Variants in DACH2 observed in about 807,000 individuals in gnomAD.
The protein encoded by DACH2 is dachshund family transcription factor 2, also known as dachshund homolog 2.
In DACH2, 17 loss-of-function variants were observed where a neutral mutation model predicts 35.8. That is an observed-to-expected ratio of 0.48 (90% CI 0.33 to 0.71). The LOEUF is 0.71. DACH2 is among the 30% of genes least tolerant of loss of function. DACH2 has a pLI of 0.02. For synonymous variants in DACH2, 195 were observed against 177.3 expected, an observed-to-expected ratio of 1.10 and a Z score of -0.79; for missense variants, 469 against 472.7, an observed-to-expected ratio of 0.99 and a Z score of 0.07.
chrX:86,547,676 G>A (rs973378236), intron 3 of DACH2, among the ~76,000 whole-genome samples: 3 of 111,198 alleles, frequency 2.7e-5, no homozygotes, highest in Non-Finnish European at 3.8e-5. Flanking sequence ...TTTTAAACAC[G>A]TATTTTAAAA....
intron 4 of DACH2, among the ~76,000 whole-genome samples, chrX:86,685,394 T>G (rs1343865633): frequency 2.7e-5 from 3 of 112,038 alleles, no homozygotes; most frequent in Non-Finnish European, 5.6e-5. Flanking sequence ...AATGTTGTAC[T>G]TACTTTTTGG....
chrX:86,382,910 C>T (rs1031398499), intron 2 of DACH2, among the ~76,000 whole-genome samples: 4 of 110,770 alleles, frequency 3.6e-5, no homozygotes, highest in East Asian at 2.9e-4. Context: ...TGTTTGTTAA[C>T]GGACTGTGGG....
At chrX:86,240,464 T>C (rs1330922790) in intron 1 of DACH2, among the ~76,000 whole-genome samples, 1 of 105,018 alleles carries the variant, frequency 9.5e-6, no homozygotes, top group Non-Finnish European at 1.9e-5. Context: ...TTATTATTAT[T>C]ATTATTATTA....
At chrX:86,544,156 A>G in intron 3 of DACH2, among the ~76,000 whole-genome samples, 1 of 111,330 alleles carries the variant, frequency 9.0e-6, no homozygotes, top group East Asian at 2.8e-4. Flanking sequence ...TGATGTAAAG[A>G]GACCAAATGT....
chrX:86,540,881 G>C (rs1280560158), intron 3 of DACH2, among the ~76,000 whole-genome samples: 1 of 111,647 alleles, frequency 9.0e-6, no homozygotes, highest in Non-Finnish European at 1.9e-5. Context: ...ATATGTTTAT[G>C]AATGCTAATG....
chrX:86,422,368 C>T (rs912417704), intron 2 of DACH2, among the ~76,000 whole-genome samples: 1 of 110,492 alleles, frequency 9.1e-6, no homozygotes, highest in Admixed American at 9.7e-5. Flanking sequence ...CTATAGTTTT[C>T]CTTCCTTTTC....
intron 7 of DACH2, among the ~76,000 whole-genome samples, chrX:86,810,965 C>T (rs2042389688): frequency 9.0e-6 from 1 of 111,683 alleles, no homozygotes; most frequent in Admixed American, 9.5e-5. Context: ...AAAACATTTG[C>T]ATCTGTGAAC....
chrX:86,326,920 C>T (rs2035126200), intron 1 of DACH2, among the ~76,000 whole-genome samples: 1 of 111,691 alleles, frequency 9.0e-6, no homozygotes, highest in African/African-American at 3.3e-5. Flanking sequence ...AAGGAAATAA[C>T]CATCAATCGG....
intron 1 of DACH2, among the ~76,000 whole-genome samples, chrX:86,205,003 C>T (rs1225630076): frequency 1.8e-5 from 2 of 111,925 alleles, no homozygotes; most frequent in Non-Finnish European, 3.8e-5. Context: ...AAACACTTTT[C>T]AAATTGTAGT....
chrX:86,393,171 A>T (rs759446383), intron 2 of DACH2, among the ~76,000 whole-genome samples: 3 of 111,192 alleles, frequency 2.7e-5, no homozygotes. Flanking sequence ...ACTCATTATC[A>T]ATTCAATTAC....
chrX:86,470,616 T>C (rs1420827664), intron 2 of DACH2, among the ~76,000 whole-genome samples: 1 of 111,190 alleles, frequency 9.0e-6, no homozygotes, highest in African/African-American at 3.3e-5. Context: ...ATAATGGATA[T>C]TGGAGATTCC....
chrX:86,668,029 G>A (rs1368798225), intron 4 of DACH2, among the ~76,000 whole-genome samples: 2 of 111,949 alleles, frequency 1.8e-5, no homozygotes, highest in East Asian at 2.8e-4. Context: ...TCCATATAGG[G>A]ATATTGCATG....
chrX:86,730,399 T>G (rs188716676), intron 6 of DACH2, among the ~76,000 whole-genome samples: 2 of 112,042 alleles, frequency 1.8e-5, no homozygotes, highest in African/African-American at 6.5e-5. Context: ...CATATAAAAT[T>G]TATATTTAAA....
At chrX:86,553,135 T>C (rs768558552) in intron 3 of DACH2, among the ~76,000 whole-genome samples, 6 of 110,954 alleles carry the variant, frequency 5.4e-5, no homozygotes, top group Non-Finnish European at 9.4e-5. Flanking sequence ...CCAGCCCGCA[T>C]CCCAAAATCT....
intron 1 of DACH2, among the ~76,000 whole-genome samples, chrX:86,290,884 T>C (rs1408556137): frequency 9.4e-6 from 1 of 106,877 alleles, no homozygotes; most frequent in African/African-American, 3.5e-5. Flanking sequence ...TCTTTTGGCT[T>C]AGGATTGACT....
At chrX:86,287,516 A>G (rs1366899022) in intron 1 of DACH2, among the ~76,000 whole-genome samples, 2 of 110,540 alleles carry the variant, frequency 1.8e-5, no homozygotes, top group African/African-American at 6.6e-5. Context: ...ATGGCCGGTA[A>G]CTCTTATATT....
intron 3 of DACH2, among the ~76,000 whole-genome samples, chrX:86,610,039 C>G (rs1313230752): frequency 8.9e-6 from 1 of 111,788 alleles, no homozygotes; most frequent in East Asian, 2.8e-4. Flanking sequence ...CTGTGTTTTT[C>G]CCTTCAAGGC....
intron 1 of DACH2, among the ~76,000 whole-genome samples, chrX:86,185,335 A>C (rs776843059): frequency 8.9e-6 from 1 of 111,809 alleles, no homozygotes; most frequent in Non-Finnish European, 1.9e-5. Context: ...GGCAGCAAAG[A>C]AATAGCTTTG....
intron 7 of DACH2, among the ~76,000 whole-genome samples, chrX:86,775,334 C>G (rs1296525965): frequency 9.0e-6 from 1 of 111,376 alleles, no homozygotes; most frequent in Non-Finnish European, 1.9e-5. Context: ...GGCTACACAA[C>G]AGGAGGGGAG....
Sources: allele counts gnomAD v4.1 joint callset (sites outside exome capture counted in the v4.1 genomes callset), GRCh38; gene constraint gnomAD v4.1.1; transcripts MANE v1.5; gene names NCBI Gene and HGNC (gene_info 2026-07-23, HGNC 2026-07-21).